The following TBCK variants were observed in gnomAD, a reference collection of about 807,000 sequenced individuals.
TBCK encodes TBC1 domain containing kinase, also known as TBC domain-containing protein kinase-like protein.
Under a neutral mutation model 113.4 loss-of-function variants are expected in TBCK, and 99 were observed. The ratio of observed to expected loss-of-function variants is 0.87; its 90% CI spans 0.74 to 1.03. TBCK has a LOEUF of 1.03. TBCK is among the 50% of genes least tolerant of loss of function. The probability of loss-of-function intolerance (pLI) is 0.00; values close to 1 mark genes in which losing one functional copy is unlikely to be tolerated. For missense variants in TBCK, 1,045 were observed against 1,061.3 expected (o/e 0.98, Z 0.21); for synonymous variants, 369 against 370.8 (o/e 1.00, Z 0.05).
intron 25 of TBCK, among the ~76,000 whole-genome samples, chr4:106,076,442 A>T (rs1039001151): frequency 2.0e-5 from 3 of 152,212 alleles, no homozygotes; most frequent in African/African-American, 7.2e-5. Flanking sequence ...TAATAATTTA[A>T]CAACTTACAT....
intron 23 of TBCK, among the ~76,000 whole-genome samples, chr4:106,135,850 T>C (rs1019682036): frequency 1.4e-5 from 2 of 140,800 alleles, no homozygotes; most frequent in East Asian, 2.0e-4. Context: ...TCAGAGAAAA[T>C]AGTATTGAAT....
chr4:106,228,115 T>C (rs758440281), intron 19 of TBCK, among the ~76,000 whole-genome samples: 4 of 151,960 alleles, frequency 2.6e-5, no homozygotes, highest in Non-Finnish European at 5.9e-5. Flanking sequence ...TGTGGGTACA[T>C]AGAACATGCA....
chr4:106,236,650 T>G lies in TBCK; in HGVS notation c.1220+109A>C, dbSNP rs545643281. ...ATTTTAATAAACCAAAACCTCAGGTTATTATTTTCTATTTAGGAAACATTT... is the reference window on the plus strand; with the variant it reads ...ATTTTAATAAACCAAAACCTCAGGTGATTATTTTCTATTTAGGAAACATTT... On this transcript the variant is annotated intron_variant, in intron 13 of 25. Transcript: ENST00000394708. The G allele has an allele frequency of 1.1e-4, 114 of 1,022,142 alleles. No individual in the cohort carries two copies. In the African/African-American group the frequency reaches 1.8e-3, roughly 16 times the overall value. The allele number at this position is 1,022,142 out of a possible 1,614,324, so 63.3% of individuals were successfully genotyped here. A position where few individuals can be genotyped will look rare whatever the true frequency, so the allele number is the denominator to read the frequency against.
chr4:106,103,444 C>G (rs1396491149), intron 24 of TBCK, among the ~76,000 whole-genome samples: 1 of 152,154 alleles, frequency 6.6e-6, no homozygotes, highest in Non-Finnish European at 1.5e-5. Context: ...TTGTTTCAAT[C>G]TTGTTTATGC....
In TBCK at chr4:106,135,530, A is replaced by G. The variant is rs533436709; in HGVS notation, c.2236-19152T>C. 4.2e-5 allele frequency among the ~76,000 whole-genome samples: 5 copies of G among 118,420 alleles called. 1 individual carries two copies. The East Asian group carries it at 6.9e-4, about 16-fold the overall frequency. 77.7% of individuals were successfully genotyped at this position (118,420 alleles called of 152,430 possible). On this transcript the variant is annotated intron_variant, in intron 23 of 25. Transcript: ENST00000394708. ...GAACTCAGGGAAAGAGTGAAACACA[A>G]TATGGGCAGAAGTAGTTAGTAATAT...
chr4:106,240,151 T>C (rs887584174), intron 12 of TBCK, among the ~76,000 whole-genome samples: 3 of 151,982 alleles, frequency 2.0e-5, no homozygotes, highest in Non-Finnish European at 4.4e-5. Flanking sequence ...TCCCAATAGA[T>C]ACAGTAAAAA....
In TBCK at chr4:106,138,658, GTGGTGT is replaced by G. The variant is rs901419926; in HGVS notation, c.2236-22286_2236-22281del. Reference sequence around the variant, plus strand: ...AACAGGGTCAAAGTGGCAATGTAGGGTGGTGTTGGTGTTGGTGTTGCTTTGCTACTA... The same window carrying G: ...AACAGGGTCAAAGTGGCAATGTAGGGTGGTGTTGGTGTTGCTTTGCTACTA... On this transcript the variant is annotated intron_variant, in intron 23 of 25. Coordinates refer to ENST00000394708, the MANE Select transcript of TBCK (RefSeq NM_001163435.3). 5.9e-4 allele frequency among the ~76,000 whole-genome samples: 84 copies of G among 141,186 alleles called. 1 individual carries two copies. Among genetic ancestry groups the G allele is most frequent in the African/African-American group, 2.1e-3 (82 of 39,912 alleles). 92.6% of individuals were successfully genotyped at this position (141,186 alleles called of 152,430 possible). A position where few individuals can be genotyped will look rare whatever the true frequency, so the allele number is the denominator to read the frequency against.
intron 25 of TBCK, among the ~76,000 whole-genome samples, chr4:106,070,424 T>C (rs1362180949): frequency 6.6e-6 from 1 of 152,220 alleles, no homozygotes; most frequent in Non-Finnish European, 1.5e-5. Flanking sequence ...TTTGGTTCTA[T>C]TTATGTGATG....
chr4:106,255,072 A>C lies in TBCK; in HGVS notation c.456-3065T>G, dbSNP rs779173997. The C allele has an allele frequency of 1.0e-4, 34 of 325,930 alleles. 2 individuals carry two copies. The highest frequency in any genetic ancestry group is 7.6e-4 in the South Asian group (31 of 40,766). The allele number at this position is 325,930 out of a possible 1,614,324, so 20.2% of individuals were successfully genotyped here. ...ACTGAATTTTTATTGAAAATAGATA[A>C]GATATAAAGACAGGTTGTAGAGAAC... is the stretch of plus-strand genomic sequence containing the variant. On this transcript the variant is annotated intron_variant, in intron 5 of 25. Coordinates refer to ENST00000394708, the MANE Select transcript of TBCK (RefSeq NM_001163435.3).
chr4:106,072,560 G>A (rs1409751231), intron 25 of TBCK, among the ~76,000 whole-genome samples: 1 of 152,094 alleles, frequency 6.6e-6, no homozygotes, highest in Non-Finnish European at 1.5e-5. Flanking sequence ...TGGTTAATCC[G>A]AAAATTATGT....
chr4:106,130,287 G>T (rs1745728983), intron 23 of TBCK, among the ~76,000 whole-genome samples: 1 of 152,002 alleles, frequency 6.6e-6, no homozygotes, highest in African/African-American at 2.4e-5. Flanking sequence ...TTAGAAATTT[G>T]TTCTATGGAC....
intron 3 of TBCK, among the ~76,000 whole-genome samples, chr4:106,268,323 T>A (rs1242085147): frequency 6.6e-6 from 1 of 152,096 alleles, no homozygotes; most frequent in African/African-American, 2.4e-5. Context: ...TGGTAATTAT[T>A]TCTATATAAG....
At chr4:106,142,224 T>C (rs1261938292) in intron 23 of TBCK, among the ~76,000 whole-genome samples, 1 of 152,154 alleles carries the variant, frequency 6.6e-6, no homozygotes, top group Non-Finnish European at 1.5e-5. Flanking sequence ...ATAATTCAGA[T>C]AGATGTATTT....
chr4:106,204,334 C>A (rs540779567), intron 20 of TBCK, among the ~76,000 whole-genome samples: 2 of 152,160 alleles, frequency 1.3e-5, no homozygotes, highest in Non-Finnish European at 2.9e-5. Flanking sequence ...AGTACTTAAC[C>A]TCTACACCAG....
At chr4:106,263,792 G>C (rs2150106624) in intron 3 of TBCK, among the ~76,000 whole-genome samples, 1 of 152,030 alleles carries the variant, frequency 6.6e-6, no homozygotes, top group South Asian at 2.1e-4. Flanking sequence ...TTGCCTCTAT[G>C]ATCCTAGTTT....
intron 6 of TBCK, 56 bp downstream of exon 6, chr4:106,251,810 T>G: frequency 7.2e-7 from 1 of 1,386,530 alleles, no homozygotes; most frequent in Non-Finnish European, 9.5e-7. Flanking sequence ...CTCCAAAAGA[T>G]TATTCCAATA....
Position 106,046,477 on chromosome 4 carries a change from C to T in TBCK, c.*93G>A. On this transcript the variant is annotated 3_prime_UTR_variant, in exon 26 of 26. Transcript: ENST00000394708. ...CTTTACGGAAATGCAACAATCTGGA[C>T]ATCTAGTTTTGTCTGAGAGTGGCGT... The T allele has an allele frequency of 1.5e-6, 1 of 679,750 alleles. No individual in the cohort carries two copies. The allele number at this position is 679,750 out of a possible 1,614,324, so 42.1% of individuals were successfully genotyped here. A position where few individuals can be genotyped will look rare whatever the true frequency, so the allele number is the denominator to read the frequency against.
intron 12 of TBCK, among the ~76,000 whole-genome samples, chr4:106,239,986 A>G (rs1759909247): frequency 6.6e-6 from 1 of 152,064 alleles, no homozygotes; most frequent in Non-Finnish European, 1.5e-5. Flanking sequence ...TCTAAACAAA[A>G]TATTAGAAAA....
At chr4:106,316,350 G>C, upstream of TBCK, 1 of 591,124 alleles carries the variant, frequency 1.7e-6, no homozygotes, top group Non-Finnish European at 3.1e-6. Context: ...AAGAGGTGCG[G>C]GGGGACGGGG....
Sources: gnomAD v4.1 joint callset for allele counts (sites outside exome capture counted in the v4.1 genomes callset) on GRCh38, gnomAD v4.1.1 for gene constraint, MANE v1.5 for transcripts, NCBI Gene and HGNC (gene_info 2026-07-23, HGNC 2026-07-21) for gene names.